RAB11B: variants seen among roughly 807,000 people sequenced by gnomAD.
RAB11B encodes ras-related protein Rab-11B.
RAB11B carries 7 observed loss-of-function variants against 23.7 expected under a neutral mutation model. The observed-to-expected ratio is 0.29, with a 90% CI of 0.17 to 0.55. RAB11B has a LOEUF of 0.55. RAB11B is among the 20% of genes least tolerant of loss of function. The pLI is 0.93. For synonymous variants in RAB11B, 138 were observed against 132.0 expected (o/e 1.05, Z -0.31); for missense variants, 189 against 320.0 (o/e 0.59, Z 3.12).
intron 1 of RAB11B, among the ~76,000 whole-genome samples, chr19:8,395,446 A>T (rs1971389667): frequency 6.6e-6 from 1 of 151,458 alleles, no homozygotes; most frequent in Non-Finnish European, 1.5e-5. Context: ...ACGGGGTTTC[A>T]CCATGTTAGT....
At chr19:8,391,470 C>T (rs925366195) in intron 1 of RAB11B, among the ~76,000 whole-genome samples, 5 of 152,220 alleles carry the variant, frequency 3.3e-5, no homozygotes, top group African/African-American at 9.6e-5. Context: ...CACATAAGGC[C>T]TAGGTAGATC....
chr19:8,398,499 C>A lies in RAB11B; in HGVS notation c.41-1364C>A, dbSNP rs1971413265. On this transcript the variant is annotated intron_variant, in intron 1 of 4. Transcript: ENST00000328024. ...TGAGGACTTAGCCTTGGCTGGAGCT[C>A]CCTGCAGCTCAGCAGGGGACCTGAC... is the stretch of plus-strand genomic sequence containing the variant. Among the ~76,000 whole-genome samples, 3 of 152,320 alleles carry A rather than the reference C, an allele frequency of 2.0e-5. No homozygotes were observed. The East Asian group carries it at 5.8e-4, about 29-fold the overall frequency.
At chr19:8,402,874 G>A (rs575918058) in intron 4 of RAB11B, 2 of 519,722 alleles carry the variant, frequency 3.8e-6, no homozygotes, top group Non-Finnish European at 6.8e-6. Context: ...TGTTGTCCAG[G>A]TTGATCTCGA....
At chr19:8,400,377 C>T in intron 2 of RAB11B, 1 of 404,012 alleles carries the variant, frequency 2.5e-6, no homozygotes, top group Non-Finnish European at 4.6e-6. Flanking sequence ...CTCACTGGTG[C>T]CCACACCTGG....
In RAB11B at chr19:8,402,603, CCAGG is replaced by C. The variant is rs769118637; in HGVS notation, c.511+43_511+46del. ...CAGATGGGTGTGGGTAGGGCACCAG[CCAGG>C]CAGGGTGGAACACGGCCTCTGAACC... is the stretch of plus-strand genomic sequence containing the variant. On this transcript the variant is annotated intron_variant, in intron 4 of 4. Transcript: ENST00000328024. The C allele has an allele frequency of 1.0e-5, 15 of 1,499,886 alleles. No homozygotes were observed. In the African/African-American group the frequency reaches 1.9e-4, roughly 19 times the overall value. The allele number at this position is 1,499,886 out of a possible 1,614,324, so 92.9% of individuals were successfully genotyped here.
At chr19:8,397,869 G>A (rs1971408585) in intron 1 of RAB11B, among the ~76,000 whole-genome samples, 1 of 152,092 alleles carries the variant, frequency 6.6e-6, no homozygotes. Context: ...AGACAAGGAA[G>A]CCTCATCCTC....
intron 1 of RAB11B, among the ~76,000 whole-genome samples, chr19:8,397,807 G>C (rs970918974): frequency 6.6e-6 from 1 of 151,988 alleles, no homozygotes; most frequent in African/African-American, 2.4e-5. Context: ...GCTCAGCCTG[G>C]CTGCCAGCAC....
rs1272779232 is a variant in RAB11B at position 8,402,160 on chromosome 19, G to A, written c.311G>A (p.Arg104His). ...AKHLTYENVE[R>H]WLKELRDHAD... ...CACCTGACCTATGAGAACGTGGAGCGCTGGCTGAAGGAGCTGCGGGACCAC... is the reference window on the plus strand; with the variant it reads ...CACCTGACCTATGAGAACGTGGAGCACTGGCTGAAGGAGCTGCGGGACCAC... The change falls in exon 3 of 5, where the codon CGC becomes CAC. Residue 104 changes from arginine (R) to histidine (H), a missense_variant. Arg to His is a conservative substitution (Grantham distance 29). Coordinates refer to ENST00000328024, the MANE Select transcript of RAB11B (RefSeq NM_004218.4). 14 of 1,606,728 alleles carry A rather than the reference G, an allele frequency of 8.7e-6. No homozygotes were observed. Among genetic ancestry groups the A allele is most frequent in the East Asian group, 2.2e-5 (1 of 44,504 alleles).
chr19:8,402,023 C>T, intron 2 of RAB11B, 63 bp from the exon 3 acceptor site: 1 of 1,478,056 alleles, frequency 6.8e-7, no homozygotes, highest in South Asian at 1.3e-5. Context: ...TGCTGTTATC[C>T]CGTGAGGCTG....
chr19:8,402,215 G>A lies in RAB11B; in HGVS notation c.366G>A (p.Val122=). The change falls in exon 3 of 5, where the codon GTG becomes GTA. Residue 122 remains valine (V), a synonymous_variant. Coordinates refer to ENST00000328024, the MANE Select transcript of RAB11B (RefSeq NM_004218.4). ...ACAGCAACATCGTCATCATGCTGGT[G>A]GGCAACAAGAGTGACCTGCGCCACC... ...HADSNIVIML[V]GNKSDLRHLR... The A allele has an allele frequency of 6.3e-7, 1 of 1,580,650 alleles. No homozygotes were observed. Among genetic ancestry groups the A allele is most frequent in the Non-Finnish European group, 8.6e-7 (1 of 1,163,638 alleles).
In RAB11B at chr19:8,402,119, G is replaced by A. The variant is rs1287676854; in HGVS notation, c.270G>A (p.Val90=). The A allele has an allele frequency of 1.9e-6, 3 of 1,606,842 alleles. No homozygotes were observed. The highest frequency in any genetic ancestry group is 1.7e-5 in the Admixed American group (1 of 59,076). Residue 90 remains valine (V), a synonymous_variant, in exon 3 of 5, where the codon GTG becomes GTA. Transcript: ENST00000328024. ...GTGGTGCAGTGGGCGCCCTGCTGGT[G>A]TACGACATCGCCAAGCACCTGACCT... is the stretch of plus-strand genomic sequence containing the variant. ...YYRGAVGALL[V]YDIAKHLTYE... is the part of the protein sequence containing the mutation.
intron 1 of RAB11B, 85 bp downstream of exon 1, chr19:8,390,541 G>A: frequency 7.7e-7 from 1 of 1,304,496 alleles, no homozygotes; most frequent in Non-Finnish European, 9.8e-7. Flanking sequence ...AGGCCGCTGG[G>A]CCCAGGCCGG....
At chr19:8,393,098 T>C (rs1293280041) in intron 1 of RAB11B, among the ~76,000 whole-genome samples, 8 of 152,098 alleles carry the variant, frequency 5.3e-5, no homozygotes, top group Admixed American at 5.2e-4. Flanking sequence ...TTTGTTTTCC[T>C]TCGTGAATGT....
rs370720760 is a variant in RAB11B, at chr19:8,403,561, C to T, written c.*3C>T. Reference sequence around the variant, plus strand: ...TGCAGTGCTGCCAGAACCTGTGACCCCTGCGCCTCCACCCAGCGTGCGTGC... The same window carrying T: ...TGCAGTGCTGCCAGAACCTGTGACCTCTGCGCCTCCACCCAGCGTGCGTGC... On this transcript the variant is annotated 3_prime_UTR_variant, in exon 5 of 5. Coordinates refer to ENST00000328024, the MANE Select transcript of RAB11B (RefSeq NM_004218.4). 4 of 1,609,774 alleles carry T rather than the reference C, an allele frequency of 2.5e-6. No homozygotes were observed. Among genetic ancestry groups the T allele is most frequent in the Non-Finnish European group, 2.5e-6 (3 of 1,177,010 alleles).
chr19:8,398,634 G>C (rs1971414283), intron 1 of RAB11B, among the ~76,000 whole-genome samples: 1 of 152,180 alleles, frequency 6.6e-6, no homozygotes, highest in Admixed American at 6.5e-5. Context: ...CTGGATGTGG[G>C]TTTGCTGCAC....
intron 2 of RAB11B, among the ~76,000 whole-genome samples, chr19:8,401,402 A>G (rs1238740651): frequency 1.3e-5 from 2 of 149,484 alleles, no homozygotes; most frequent in Non-Finnish European, 3.0e-5. Flanking sequence ...TTTTTGAGAT[A>G]GAGTCTCACT....
chr19:8,390,710 G>T (rs1971342208), intron 1 of RAB11B: 2 of 376,954 alleles, frequency 5.3e-6, no homozygotes, highest in Admixed American at 4.7e-5. Flanking sequence ...AGCCTAGAGG[G>T]GGTGGGGCCC....
At chr19:8,403,306 G>T in intron 4 of RAB11B, 107 bp from the exon 5 acceptor site, 2 of 1,384,416 alleles carry the variant, frequency 1.4e-6, no homozygotes, top group Admixed American at 2.0e-5. Flanking sequence ...TGATGGGGGC[G>T]CTGTGGGGGT....
At chr19:8,399,671 G>A (rs1234795516) in intron 1 of RAB11B, among the ~76,000 whole-genome samples, 192 bp from the exon 2 acceptor site, 5 of 152,226 alleles carry the variant, frequency 3.3e-5, no homozygotes, top group African/African-American at 9.6e-5. Context: ...GCTGTTTCTG[G>A]AAGGCAGGAG....
Sources: allele counts gnomAD v4.1 joint callset (sites outside exome capture counted in the v4.1 genomes callset), GRCh38; gene constraint gnomAD v4.1.1; transcripts MANE v1.5; gene names NCBI Gene and HGNC (gene_info 2026-07-23, HGNC 2026-07-21).